The following DTL variants were observed in gnomAD, a reference collection of about 807,000 sequenced individuals.
DTL encodes the protein denticleless protein homolog.
DTL carries 46 observed loss-of-function variants against 87.0 expected under a neutral mutation model. The observed-to-expected ratio is 0.53, with a 90% CI of 0.42 to 0.68. The LOEUF (loss-of-function observed/expected upper bound fraction) is 0.68, where lower values mean the gene tolerates loss of function less well. DTL is among the 30% of genes least tolerant of loss of function. DTL has a pLI of 0.00. For synonymous variants in DTL, 308 were observed against 311.2 expected (o/e 0.99, Z 0.11); for missense variants, 737 against 869.4 (o/e 0.85, Z 1.91).
chr1:212,056,068 C>A (rs1358190331), intron 5 of DTL, among the ~76,000 whole-genome samples: 1 of 152,186 alleles, frequency 6.6e-6, no homozygotes, highest in Non-Finnish European at 1.5e-5. Flanking sequence ...GGGATTTTTT[C>A]ATCACTGCTA....
At chr1:212,053,978 G>A (rs75773064) in intron 5 of DTL, among the ~76,000 whole-genome samples, 56 of 152,220 alleles carry the variant, frequency 3.7e-4, no homozygotes, top group Admixed American at 3.4e-3. Context: ...AGGACATTGC[G>A]AGTGGTATGT....
At chr1:212,063,118 A>G (rs1482780816) in intron 6 of DTL, among the ~76,000 whole-genome samples, 169 bp downstream of exon 6, 1 of 152,114 alleles carries the variant, frequency 6.6e-6, no homozygotes, top group Non-Finnish European at 1.5e-5. Flanking sequence ...GTCCTGAGTG[A>G]TAAATACATG....
chr1:212,056,563 CAT>C (rs1668185129), intron 5 of DTL, among the ~76,000 whole-genome samples: 2 of 152,080 alleles, frequency 1.3e-5, no homozygotes, highest in South Asian at 4.1e-4. Flanking sequence ...CAAATATCAA[CAT>C]AAAAACACAG....
chr1:212,046,526 G>A (rs1440743172), intron 3 of DTL, among the ~76,000 whole-genome samples: 1 of 151,784 alleles, frequency 6.6e-6, no homozygotes, highest in African/African-American at 2.4e-5. Context: ...CCACTTATGA[G>A]TGAGAACATA....
intron 13 of DTL, among the ~76,000 whole-genome samples, chr1:212,088,708 A>G (rs892912512): frequency 6.6e-6 from 1 of 152,238 alleles, no homozygotes; most frequent in Non-Finnish European, 1.5e-5. Flanking sequence ...GGAAGCAACT[A>G]GTAGTGTCCT....
rs184694733 is a variant in DTL at position 212,045,947 on chromosome 1, T to C, written c.277+1189T>C. On this transcript the variant is annotated intron_variant, in intron 3 of 14. Transcript: ENST00000366991. The stretch of plus-strand genomic sequence containing the variant: ...GTTTTGTTGTTGTTGTTGTTGTTGT[T>C]GTTGTATTTTTGGTAGAGATGGGGT... 5.0e-3 allele frequency among the ~76,000 whole-genome samples: 766 copies of C among 152,070 alleles called. 4 individuals carry two copies. The highest frequency in any genetic ancestry group is 0.01 in the Middle Eastern group (3 of 294).
chr1:212,082,759 G>A (rs1022282814), intron 13 of DTL, among the ~76,000 whole-genome samples: 1 of 152,116 alleles, frequency 6.6e-6, no homozygotes, highest in Admixed American at 6.5e-5. Flanking sequence ...AAAGGGAGTA[G>A]AGATTTTAGA....
intron 1 of DTL, among the ~76,000 whole-genome samples, chr1:212,038,099 G>A (rs1247135202): frequency 6.6e-6 from 1 of 152,132 alleles, no homozygotes; most frequent in Non-Finnish European, 1.5e-5. Context: ...TGTCTACTGG[G>A]ACCATGTAGA....
At chr1:212,095,711 C>A (rs10779568) in intron 13 of DTL, among the ~76,000 whole-genome samples, 59,941 of 152,060 alleles carry the variant, frequency 0.39, 12,332 homozygotes, top group East Asian at 0.59. Context: ...TCCCTGCATC[C>A]CTGGTTTGAA....
Position 212,100,272 on chromosome 1 carries a change from A to T in DTL, c.1282A>T (p.Ser428Cys), listed in dbSNP as rs781442458. Residue 428 changes from serine to cysteine, a missense_variant, in exon 14 of 15, where the codon AGT (serine) becomes TGT (cysteine). Ser to Cys is a moderately radical substitution (Grantham distance 112). Coordinates refer to ENST00000366991, the MANE Select transcript of DTL (RefSeq NM_016448.4). ...TTCAGTAACAGTAACGAGTAGCCAG[A>T]GTACTCCTGCCAAAGCCCCCAGGGC... ...PGLVTVTSSQ[S>C]TPAKAPRAKC... 6.3e-7 allele frequency: 1 copy of T among 1,576,040 alleles called. No individual in the cohort carries two copies. The highest frequency in any genetic ancestry group is 8.6e-7 in the Non-Finnish European group (1 of 1,163,856).
intron 13 of DTL, among the ~76,000 whole-genome samples, chr1:212,081,996 GA>G (rs1435545933): frequency 4.6e-5 from 7 of 151,920 alleles, no homozygotes; most frequent in African/African-American, 1.5e-4. Flanking sequence ...GCTATAGATA[GA>G]AAAAAATAGG....
intron 5 of DTL, among the ~76,000 whole-genome samples, chr1:212,062,481 CCT>C (rs1464977216): frequency 1.3e-5 from 2 of 152,288 alleles, no homozygotes; most frequent in Admixed American, 6.5e-5. Flanking sequence ...AGTTACTTAT[CCT>C]CTCTGTGCCT....
intron 5 of DTL, among the ~76,000 whole-genome samples, chr1:212,054,168 C>T (rs1668085285): frequency 6.6e-6 from 1 of 152,064 alleles, no homozygotes. Context: ...TTCTCTTGCC[C>T]ATATGGTACA....
chr1:212,091,943 A>G (rs1655295815), intron 13 of DTL, among the ~76,000 whole-genome samples: 1 of 152,234 alleles, frequency 6.6e-6, no homozygotes, highest in Admixed American at 6.5e-5. Context: ...ATTACGAAAT[A>G]GTATATATAT....
chr1:212,039,640 C>T (rs189653313), intron 1 of DTL, among the ~76,000 whole-genome samples: 34 of 152,282 alleles, frequency 2.2e-4, no homozygotes, highest in Non-Finnish European at 7.4e-5. Context: ...ATTGTGCAAA[C>T]ATCACAGAGT....
chr1:212,062,129 A>G (rs1176185293), intron 5 of DTL, among the ~76,000 whole-genome samples: 5 of 152,180 alleles, frequency 3.3e-5, no homozygotes, highest in Admixed American at 6.5e-5. Flanking sequence ...GTAAAATACT[A>G]TGTATCAGTA....
chr1:212,068,570 A>G (rs373190277), intron 9 of DTL, 29 bp from the exon 10 acceptor site: 1 of 1,378,082 alleles, frequency 7.3e-7, no homozygotes, highest in Non-Finnish European at 1.0e-6. Flanking sequence ...CATCATCAGG[A>G]CGTGCTAACT....
At chr1:212,069,791 A>G (rs1007151672) in intron 10 of DTL, among the ~76,000 whole-genome samples, 4 of 151,092 alleles carry the variant, frequency 2.6e-5, no homozygotes, top group African/African-American at 9.7e-5. Context: ...TGATCCACCC[A>G]CCTCAGCCTC....
intron 14 of DTL, among the ~76,000 whole-genome samples, chr1:212,102,355 C>T (rs974379215): frequency 3.3e-5 from 5 of 152,026 alleles, no homozygotes; most frequent in Non-Finnish European, 5.9e-5. Flanking sequence ...AAACTATTTT[C>T]ACTGATACAT....
Sources: allele counts gnomAD v4.1 joint callset (sites outside exome capture counted in the v4.1 genomes callset), GRCh38; gene constraint gnomAD v4.1.1; transcripts MANE v1.5; gene names NCBI Gene and HGNC (gene_info 2026-07-23, HGNC 2026-07-21).